ANKRD30BL: variants seen among roughly 807,000 people sequenced by gnomAD.
The protein encoded by ANKRD30BL is ankyrin repeat domain 30B like.
A neutral mutation model predicts 18.4 loss-of-function variants in ANKRD30BL; 20 were observed. The ratio of observed to expected loss-of-function variants is 1.09; its 90% CI spans 0.77 to 1.58. ANKRD30BL has a LOEUF of 1.58. ANKRD30BL is among the 40% of genes most tolerant of loss of function. The pLI is 0.00. For missense variants in ANKRD30BL, 224 were observed against 268.6 expected, an observed-to-expected ratio of 0.83 and a Z score of 1.16; for synonymous variants, 72 against 100.9, an observed-to-expected ratio of 0.71 and a Z score of 1.72.
chr2:132,156,298 T>C (rs1172836526), intron 3 of ANKRD30BL: 1 of 152,186 alleles, frequency 6.6e-6, no homozygotes, highest in African/African-American at 2.4e-5. Context: ...AAAATCATCA[T>C]TTAAAAAATA....
intron 1 of ANKRD30BL, among the ~76,000 whole-genome samples, chr2:132,219,428 T>G (rs371392105): frequency 2.0e-5 from 3 of 148,856 alleles, no homozygotes; most frequent in African/African-American, 7.7e-5. Flanking sequence ...TCTTTTTGTA[T>G]AATCTGCAAG....
chr2:132,203,307 A>T (rs1363685328), intron 1 of ANKRD30BL, among the ~76,000 whole-genome samples: 2 of 152,386 alleles, frequency 1.3e-5, no homozygotes, highest in East Asian at 3.9e-4. Flanking sequence ...GCAAACAAAA[A>T]CACAAAATAT....
chr2:132,181,073 G>A (rs980800517), intron 1 of ANKRD30BL, among the ~76,000 whole-genome samples: 18 of 152,104 alleles, frequency 1.2e-4, no homozygotes, highest in African/African-American at 3.6e-4. Flanking sequence ...GAACCTGAGA[G>A]GCCGAAGTTG....
intron 1 of ANKRD30BL, among the ~76,000 whole-genome samples, chr2:132,218,307 A>G (rs1679566413): frequency 6.6e-6 from 1 of 152,266 alleles, no homozygotes; most frequent in Admixed American, 6.5e-5. Flanking sequence ...AACACTAGAC[A>G]GAAGCATTCC....
chr2:132,205,540 G>A lies in ANKRD30BL; in HGVS notation n.442-48394C>T, dbSNP rs1829263. On this transcript the variant is annotated intron_variant and non_coding_transcript_variant, in intron 1 of 4. Coordinates refer to the ANKRD30BL transcript ENST00000470729. ...CTCTTGAACCTGGGAGGCGGAGGTT[G>A]CAGTGAGCTGAGATCACACTGTTGC... Among the ~76,000 whole-genome samples the A allele has an allele frequency of 8.0e-5, 12 of 149,860 alleles. No individual in the cohort carries two copies. The East Asian group carries it at 1.0e-3, about 13-fold the overall frequency.
upstream of ANKRD30BL, among the ~76,000 whole-genome samples, chr2:132,163,369 T>A (rs1170549157): frequency 2.0e-5 from 3 of 152,106 alleles, 1 homozygote; most frequent in East Asian, 5.8e-4. Context: ...GCAGGATCAC[T>A]TGGGCCTGGG....
chr2:132,157,751 G>A (rs988001546), intron 1 of ANKRD30BL, among the ~76,000 whole-genome samples: 3 of 152,100 alleles, frequency 2.0e-5, no homozygotes, highest in Non-Finnish European at 4.4e-5. Flanking sequence ...GAATACAGTA[G>A]TTATCTCACA....
intron 1 of ANKRD30BL, among the ~76,000 whole-genome samples, chr2:132,208,983 A>G (rs1324415362): frequency 6.6e-6 from 1 of 151,944 alleles, no homozygotes; most frequent in Non-Finnish European, 1.5e-5. Context: ...AGCGCTTTAC[A>G]GCCTATGGTG....
chr2:132,200,975 C>T (rs1482204404), intron 1 of ANKRD30BL, among the ~76,000 whole-genome samples: 2 of 152,082 alleles, frequency 1.3e-5, no homozygotes, highest in Non-Finnish European at 2.9e-5. Flanking sequence ...GAACAGAGTC[C>T]TCAGAAATGA....
At chr2:132,255,869 G>C (rs562465252) in intron 1 of ANKRD30BL, among the ~76,000 whole-genome samples, 2 of 152,100 alleles carry the variant, frequency 1.3e-5, no homozygotes, top group African/African-American at 2.4e-5. Flanking sequence ...TCGCTGCCAC[G>C]GGGGGCGTGC....
chr2:132,157,684 C>T (rs1266581015), intron 1 of ANKRD30BL, among the ~76,000 whole-genome samples: 2 of 152,114 alleles, frequency 1.3e-5, no homozygotes, highest in African/African-American at 4.8e-5. Context: ...AGTCTTTCAC[C>T]TTCTACTATC....
chr2:132,207,451 G>C (rs2104753407), intron 1 of ANKRD30BL, among the ~76,000 whole-genome samples: 1 of 152,194 alleles, frequency 6.6e-6, no homozygotes, highest in East Asian at 1.9e-4. Flanking sequence ...TTTCTAATCT[G>C]CTGGCCAACA....
At chr2:132,172,787 A>T (rs976289721) in intron 1 of ANKRD30BL, among the ~76,000 whole-genome samples, 1 of 151,932 alleles carries the variant, frequency 6.6e-6, no homozygotes, top group African/African-American at 2.4e-5. Context: ...AGCTCACTGA[A>T]ACCTCCGCCT....
At chr2:132,233,100 A>G (rs2104785202) in intron 1 of ANKRD30BL, among the ~76,000 whole-genome samples, 1 of 151,932 alleles carries the variant, frequency 6.6e-6, no homozygotes, top group South Asian at 2.1e-4. Context: ...TCATAAGTGA[A>G]GGAGAAATAA....
intron 1 of ANKRD30BL, among the ~76,000 whole-genome samples, chr2:132,227,700 T>C (rs1679886285): frequency 6.6e-6 from 1 of 152,080 alleles, no homozygotes; most frequent in Non-Finnish European, 1.5e-5. Flanking sequence ...TTTGGGCCTA[T>C]AGTGGAAAAG....
intron 1 of ANKRD30BL, among the ~76,000 whole-genome samples, chr2:132,237,655 C>G (rs1223262607): frequency 6.6e-6 from 1 of 152,136 alleles, no homozygotes; most frequent in Non-Finnish European, 1.5e-5. Flanking sequence ...TCAGAAACTG[C>G]TTTGTGATGC....
chr2:132,176,132 G>A (rs1221937356), intron 1 of ANKRD30BL, among the ~76,000 whole-genome samples: 1 of 152,176 alleles, frequency 6.6e-6, no homozygotes, highest in Non-Finnish European at 1.5e-5. Context: ...AGTGGCTCAT[G>A]TCTGTAATCC....
intron 1 of ANKRD30BL, among the ~76,000 whole-genome samples, chr2:132,209,400 A>G (rs970911288): frequency 1.3e-5 from 2 of 152,200 alleles, no homozygotes; most frequent in South Asian, 2.1e-4. Context: ...GTGTGCATTC[A>G]TCTCACAGAG....
chr2:132,160,625 A>C (rs1283777286), intron 1 of ANKRD30BL, among the ~76,000 whole-genome samples: 2 of 150,438 alleles, frequency 1.3e-5, no homozygotes, highest in Non-Finnish European at 3.0e-5. Flanking sequence ...TTTTTAGTAG[A>C]GACCGTGTTA....
Sources: allele counts gnomAD v4.1 joint callset (sites outside exome capture counted in the v4.1 genomes callset), GRCh38; gene constraint gnomAD v4.1.1; transcripts MANE v1.5; gene names NCBI Gene and HGNC (gene_info 2026-07-23, HGNC 2026-07-21).